Variants in ZSCAN23 observed in about 807,000 individuals in gnomAD.
The protein encoded by ZSCAN23 is zinc finger and SCAN domain-containing protein 23.
A neutral mutation model predicts 19.3 loss-of-function variants in ZSCAN23; 19 were observed. That is an observed-to-expected ratio of 0.99 (90% CI 0.69 to 1.45). ZSCAN23 has a LOEUF of 1.45. ZSCAN23 is among the 40% of genes most tolerant of loss of function. The pLI is 0.00. For synonymous variants in ZSCAN23, 140 were observed against 166.2 expected (o/e 0.84, Z 1.21); for missense variants, 372 against 462.5 (o/e 0.80, Z 1.79).
At chr6:28,442,688 G>A (rs913324964) in intron 1 of ZSCAN23, among the ~76,000 whole-genome samples, 1 of 152,190 alleles carries the variant, frequency 6.6e-6, no homozygotes, top group African/African-American at 2.4e-5. Flanking sequence ...CATAGCAAAG[G>A]TTTTAAGAAA....
chr6:28,441,905 T>C (rs2114042055), intron 1 of ZSCAN23, among the ~76,000 whole-genome samples: 1 of 146,544 alleles, frequency 6.8e-6, no homozygotes, highest in East Asian at 2.1e-4. Flanking sequence ...AGACAGAGTC[T>C]TGCTTTTGTT....
At chr6:28,435,629 TG>T (rs1455806642) in intron 2 of ZSCAN23, 22 bp from the exon 3 acceptor site, 5 of 1,546,060 alleles carry the variant, frequency 3.2e-6, no homozygotes, top group Admixed American at 4.0e-5. Flanking sequence ...CAAGGACAGT[TG>T]GGAACCCAAT....
At position 28,436,188 on chromosome 6, in the gene ZSCAN23, C is replaced by A; in HGVS notation, c.79G>T (p.Glu27Ter). Residue 27 changes from glutamate to a stop codon, truncating the protein, a stop_gained, in exon 2 of 4, where the codon GAA (glutamate) becomes TAA (stop). Coordinates refer to ENST00000289788, the MANE Select transcript of ZSCAN23 (RefSeq NM_001012455.2). LOFTEE classifies it high-confidence loss of function. ...CCTGATTCTGGCCCACAGGAATGTT[C>A]CTCCTCTTCCTCCTTTACCTTCACT... ...LAVKVKEEEE[E>*]HSCGPESGLS... 1 of 1,554,988 alleles carries A rather than the reference C, an allele frequency of 6.4e-7. No individual in the cohort carries two copies. The highest frequency in any genetic ancestry group is 8.7e-7 in the Non-Finnish European group (1 of 1,148,732).
the ZSCAN23 span, among the ~76,000 whole-genome samples, chr6:28,423,307 C>G: frequency 6.6e-6 from 1 of 152,236 alleles, no homozygotes; most frequent in Non-Finnish European, 1.5e-5. Flanking sequence ...TTTTCTCTAA[C>G]TACGCTAGAG....
chr6:28,423,571 C>A, the ZSCAN23 span, among the ~76,000 whole-genome samples: 1 of 152,182 alleles, frequency 6.6e-6, no homozygotes, highest in South Asian at 2.1e-4. Context: ...GGCAAAGAAC[C>A]TGAAGCTGGA....
chr6:28,426,996 T>C (rs540925810), downstream of ZSCAN23, among the ~76,000 whole-genome samples: 1 of 152,236 alleles, frequency 6.6e-6, no homozygotes, highest in South Asian at 2.1e-4. Context: ...TTTCACCATG[T>C]TGGTCAGGCT....
At position 28,432,898 on chromosome 6, in the gene ZSCAN23, G is replaced by C. The variant is rs1761787734; in HGVS notation, c.*1567C>G. The C allele has an allele frequency of 6.6e-6, 1 of 152,030 alleles. No homozygotes were observed. The highest frequency in any genetic ancestry group is 1.5e-5 in the Non-Finnish European group (1 of 67,952). 9.4% of individuals were successfully genotyped at this position (152,030 alleles called of 1,614,324 possible). A position where few individuals can be genotyped will look rare whatever the true frequency, so the allele number is the denominator to read the frequency against. ...TCATATTTGCCTATATTTACATAAA[G>C]AAACACTGAAAGATACATAAGAAAC... On this transcript the variant is annotated 3_prime_UTR_variant, in exon 4 of 4. Transcript: ENST00000289788.
the ZSCAN23 span, among the ~76,000 whole-genome samples, chr6:28,426,512 C>G: frequency 6.6e-6 from 1 of 151,810 alleles, no homozygotes. Context: ...TAGCGGTGCC[C>G]CAAAACAATT....
At chr6:28,440,273 G>GA (rs1761976121) in intron 1 of ZSCAN23, among the ~76,000 whole-genome samples, 1 of 152,230 alleles carries the variant, frequency 6.6e-6, no homozygotes, top group South Asian at 2.1e-4. Context: ...AACTGATCAT[G>GA]AAAGGCAGTG....
chr6:28,432,221 AAT>A (rs1232021457), downstream of ZSCAN23, among the ~76,000 whole-genome samples: 3 of 152,170 alleles, frequency 2.0e-5, no homozygotes, highest in Non-Finnish European at 2.9e-5. Flanking sequence ...ATAAACTCAG[AAT>A]ACTATAGAAT....
the ZSCAN23 span, among the ~76,000 whole-genome samples, chr6:28,422,879 C>T: frequency 6.6e-6 from 1 of 152,118 alleles, no homozygotes; most frequent in Non-Finnish European, 1.5e-5. This position sits in a 1 kb window ranked among gnomAD's most constrained non-coding sequence, Gnocchi z 4.0. Context: ...AAAAAGACAC[C>T]AACATTTCCT....
chr6:28,423,264 A>C, the ZSCAN23 span, among the ~76,000 whole-genome samples: 2 of 152,218 alleles, frequency 1.3e-5, no homozygotes, highest in Non-Finnish European at 2.9e-5. Flanking sequence ...CTAGAACAAA[A>C]ATAAATAACT....
rs544148123 is a variant in ZSCAN23, at chr6:28,438,387, G to A, written c.-77-2044C>T. 3.9e-5 allele frequency among the ~76,000 whole-genome samples: 6 copies of A among 152,204 alleles called. No individual in the cohort carries two copies. The East Asian group carries it at 5.8e-4, about 15-fold the overall frequency. On this transcript the variant is annotated intron_variant, in intron 1 of 3. Coordinates refer to ENST00000289788, the MANE Select transcript of ZSCAN23 (RefSeq NM_001012455.2). Reference sequence around the variant, plus strand: ...GCTGGGATTACAGGCATTAGCCACCGCGCCCAGCAACCCTACACTATTCTT... The same window carrying A: ...GCTGGGATTACAGGCATTAGCCACCACGCCCAGCAACCCTACACTATTCTT...
chr6:28,441,874 ATTT>A (rs371867784), intron 1 of ZSCAN23, among the ~76,000 whole-genome samples: 110 of 130,908 alleles, frequency 8.4e-4, no homozygotes, highest in African/African-American at 2.9e-3. Context: ...CTGGTTGTTA[ATTT>A]TTTTTTTTTT....
chr6:28,438,358 A>G (rs778362436), intron 1 of ZSCAN23, among the ~76,000 whole-genome samples: 3 of 152,122 alleles, frequency 2.0e-5, no homozygotes, highest in Admixed American at 1.3e-4. Context: ...TGGCCTCCCA[A>G]TGTGCTGGGA....
chr6:28,429,997 C>A (rs1761727426), downstream of ZSCAN23, among the ~76,000 whole-genome samples: 1 of 152,206 alleles, frequency 6.6e-6, no homozygotes, highest in Non-Finnish European at 1.5e-5. Flanking sequence ...CATTTGTGCA[C>A]ACCACCTGGC....
chr6:28,428,507 C>G (rs1461700946), downstream of ZSCAN23, among the ~76,000 whole-genome samples: 2 of 152,206 alleles, frequency 1.3e-5, no homozygotes, highest in African/African-American at 4.8e-5. Flanking sequence ...AATTAGTTAT[C>G]AGGTCTAGTT....
In ZSCAN23 at chr6:28,434,809, G is replaced by T. The variant is rs979184690; in HGVS notation, c.826C>A (p.Pro276Thr). 2.5e-6 allele frequency: 4 copies of T among 1,598,488 alleles called. No individual in the cohort carries two copies. The highest frequency in any genetic ancestry group is 3.4e-6 in the Non-Finnish European group (4 of 1,172,256). Residue 276 changes from proline to threonine, a missense_variant, in exon 4 of 4, where the codon CCT becomes ACT. Physicochemically the swap from Pro to Thr is conservative, Grantham distance 38. Transcript: ENST00000289788. Reference protein sequence around the residue: ...EHQRTHTGEKPYECDECGRAF... With the variant: ...EHQRTHTGEKTYECDECGRAF... ...CGCCCACACTCATCACATTCATAAG[G>T]CTTCTCACCTGTGTGTGTTCTCTGG...
At chr6:28,423,583 C>A in the ZSCAN23 span, among the ~76,000 whole-genome samples, 1 of 152,134 alleles carries the variant, frequency 6.6e-6, no homozygotes, top group Non-Finnish European at 1.5e-5. Flanking sequence ...GAAGCTGGAC[C>A]CTTGAGGCCC....
Sources: allele counts gnomAD v4.1 joint callset (sites outside exome capture counted in the v4.1 genomes callset), GRCh38; gene constraint gnomAD v4.1.1; non-coding constraint Gnocchi (gnomAD v3.1); transcripts MANE v1.5; gene names NCBI Gene and HGNC (gene_info 2026-07-23, HGNC 2026-07-21).